The following PHF3 variants were observed in gnomAD, a reference collection of about 807,000 sequenced individuals.
PHF3 encodes PHD finger protein 3.
In PHF3, 41 loss-of-function variants were observed where a neutral mutation model predicts 178.4. The ratio of observed to expected loss-of-function variants is 0.23; its 90% CI spans 0.18 to 0.30. The LOEUF (loss-of-function observed/expected upper bound fraction) is 0.30. Ranked by LOEUF, PHF3 falls within the 10% of genes least tolerant of loss-of-function variation. The pLI, the probability that PHF3 is intolerant of heterozygous loss-of-function variation, is 1.00. For synonymous variants in PHF3, 842 were observed against 800.5 expected (o/e 1.05, Z -0.88); for missense variants, 2,346 against 2,398.1 (o/e 0.98, Z 0.45).
Position 63,706,243 on chromosome 6 carries a change from A to ATACTC in PHF3, c.3563+19_3563+20insTACTC. The ATACTC allele has an allele frequency of 3.8e-6, 6 of 1,574,498 alleles. No individual in the cohort carries two copies. The highest frequency in any genetic ancestry group is 5.2e-6 in the Non-Finnish European group (6 of 1,151,766). On this transcript the variant is annotated intron_variant, in intron 12 of 15. Coordinates refer to ENST00000262043, the MANE Select transcript of PHF3 (RefSeq NM_001370348.2). ...CTCCACGGTAATTTTCTCTGTTGTA[A>ATACTC]ATTCTGTAATACTCATTATAGATCT...
In PHF3 at chr6:63,640,969, A is replaced by C. The variant is rs1581986145; in HGVS notation, c.-26+4819A>C. Among the ~76,000 whole-genome samples the C allele has an allele frequency of 2.0e-5, 3 of 152,222 alleles. No homozygotes were observed. The East Asian group carries it at 5.8e-4, about 29-fold the overall frequency. On this transcript the variant is annotated intron_variant, in intron 1 of 15. Coordinates refer to ENST00000262043, the MANE Select transcript of PHF3 (RefSeq NM_001370348.2). ...TCTAGACATGGCAAATGTTCTCTGCATGGGCATACTCACCTCTGATTGAGA... is the reference window on the plus strand; with the variant it reads ...TCTAGACATGGCAAATGTTCTCTGCCTGGGCATACTCACCTCTGATTGAGA...
At chr6:63,711,522 A>C in intron 15 of PHF3, 64 bp from the exon 16 acceptor site, 1 of 1,464,748 alleles carries the variant, frequency 6.8e-7, no homozygotes, top group African/African-American at 1.4e-5. Flanking sequence ...TTAGAGGCAG[A>C]ATTTTACCTT....
intron 2 of PHF3, among the ~76,000 whole-genome samples, chr6:63,657,469 G>A (rs1399635360): frequency 2.6e-5 from 4 of 152,118 alleles, no homozygotes; most frequent in Admixed American, 2.0e-4. Context: ...TATATGTTAC[G>A]TGTATTATCT....
rs1766611060 is a variant in PHF3, at chr6:63,684,908, A to G, written c.1186A>G (p.Ile396Val). The change falls in exon 4 of 16, where the codon ATT (isoleucine) becomes GTT (valine). Residue 396 changes from isoleucine (I) to valine (V), a missense_variant. By Grantham distance (29) the Ile-to-Val change is conservative. This residue lies in a region of PHF3 where 843 missense variants were observed against 795.2 expected (regional missense o/e 1.06). Transcript: ENST00000262043. ...TGAGAACACCCTTGAAAGAAATAAA[A>G]TTGAACCGTTGGGTTATTGTGAAGA... ...KTENTLERNK[I>V]EPLGYCEDAE... The G allele has an allele frequency of 6.2e-7, 1 of 1,613,962 alleles. No homozygotes were observed. The highest frequency in any genetic ancestry group is 1.7e-5 in the Admixed American group (1 of 60,006).
chr6:63,684,367 G>A lies in PHF3; in HGVS notation c.645G>A (p.Val215=). 1 of 1,613,650 alleles carries A rather than the reference G, an allele frequency of 6.2e-7. No individual in the cohort carries two copies. Among genetic ancestry groups the A allele is most frequent in the Non-Finnish European group, 8.5e-7 (1 of 1,179,584 alleles). ...TTGAAGTGGTACCTGAAGTATCAGTGTCTTCAAGTCATTCTTCAGTGTCAT... is the reference window on the plus strand; with the variant it reads ...TTGAAGTGGTACCTGAAGTATCAGTATCTTCAAGTCATTCTTCAGTGTCAT... ...GQIEVVPEVS[V]SSSHSSVSSC... The change falls in exon 4 of 16, where the codon GTG becomes GTA. Residue 215 remains valine, a synonymous_variant. Transcript: ENST00000262043.
rs755645412 is a variant in PHF3, at chr6:63,685,073, T to A, written c.1351T>A (p.Leu451Met). The part of the protein sequence containing the change: ...CDVPDQNSKQ[L>M]NAIESTKIES... The stretch of plus-strand genomic sequence containing the variant: ...TGTGCCTGACCAAAATTCAAAACAG[T>A]TGAATGCTATAGAAAGTACTAAAAT... The change falls in exon 4 of 16, where the codon TTG becomes ATG. Residue 451 changes from leucine (L) to methionine (M), a missense_variant. This residue lies in a region of PHF3 where 843 missense variants were observed against 795.2 expected (regional missense o/e 1.06). Transcript: ENST00000262043. 1 of 1,614,016 alleles carries A rather than the reference T, an allele frequency of 6.2e-7. No individual in the cohort carries two copies. Among genetic ancestry groups the A allele is most frequent in the Non-Finnish European group, 8.5e-7 (1 of 1,179,968 alleles).
intron 1 of PHF3, among the ~76,000 whole-genome samples, chr6:63,638,398 A>G (rs746637935): frequency 1.3e-5 from 2 of 152,120 alleles, no homozygotes; most frequent in Non-Finnish European, 2.9e-5. Context: ...GATGATGTTT[A>G]TCTTCCTTAA....
At chr6:63,658,852 G>C (rs1432346550) in intron 2 of PHF3, among the ~76,000 whole-genome samples, 1 of 151,924 alleles carries the variant, frequency 6.6e-6, no homozygotes, top group Non-Finnish European at 1.5e-5. Context: ...AAAATCTGCA[G>C]GGTAGGCTGG....
chr6:63,698,392 G>GTA (rs1767326713), intron 7 of PHF3, 25 bp downstream of exon 7: 3 of 1,580,678 alleles, frequency 1.9e-6, no homozygotes, highest in Non-Finnish European at 1.7e-6. Context: ...TATTATAGAA[G>GTA]TATCAATAAT....
chr6:63,690,910 CTT>C lies in PHF3; in HGVS notation c.2190-824_2190-823del, dbSNP rs371791529. ...GAGTCATACGTTTCACATCCCTGGA[CTT>C]TTCCTATTGGTTAGTGAAGTTATTA... On this transcript the variant is annotated intron_variant, in intron 4 of 15. Transcript: ENST00000262043. Among the ~76,000 whole-genome samples the C allele has an allele frequency of 8.7e-3, 1,329 of 152,238 alleles. 11 individuals carry two copies. Among genetic ancestry groups the C allele is most frequent in the Middle Eastern group, 0.02 (6 of 294 alleles).
chr6:63,645,801 C>T (rs1764759196), intron 1 of PHF3, among the ~76,000 whole-genome samples: 1 of 152,136 alleles, frequency 6.6e-6, no homozygotes, highest in Non-Finnish European at 1.5e-5. Flanking sequence ...GTATAGACCA[C>T]ACATAACTAA....
Position 63,712,239 on chromosome 6 carries a change from T to C in PHF3, c.4651T>C (p.Ser1551Pro). 1 of 1,614,062 alleles carries C rather than the reference T, an allele frequency of 6.2e-7. No individual in the cohort carries two copies. The highest frequency in any genetic ancestry group is 8.5e-7 in the Non-Finnish European group (1 of 1,179,960). ...ETSVVGSSSI[S>P]AGSLTSLSLR... ...ATCAGTAGTAGGGTCCTCTTCCATT[T>C]CTGCAGGGTCTTTGACGAGTCTTAG... Residue 1551 changes from serine to proline, a missense_variant, in exon 16 of 16, where the codon TCT becomes CCT. Transcript: ENST00000262043.
chr6:63,645,036 A>C (rs1764726493), intron 1 of PHF3, among the ~76,000 whole-genome samples: 1 of 150,042 alleles, frequency 6.7e-6, no homozygotes, highest in African/African-American at 2.4e-5. Flanking sequence ...ACACGTCACC[A>C]CACCTGGCTA....
chr6:63,688,577 C>A (rs544733591), intron 4 of PHF3, among the ~76,000 whole-genome samples: 1 of 151,498 alleles, frequency 6.6e-6, no homozygotes, highest in East Asian at 2.0e-4. Flanking sequence ...TCAGGTGATC[C>A]GCCCGCCTCA....
At chr6:63,686,145 A>G (rs919238359) in intron 4 of PHF3, 5 of 482,586 alleles carry the variant, frequency 1.0e-5, no homozygotes, top group African/African-American at 2.0e-5. Context: ...GCTGACATAC[A>G]TGGAAATATT....
chr6:63,658,312 C>T (rs1341076668), intron 2 of PHF3, among the ~76,000 whole-genome samples: 4 of 152,106 alleles, frequency 2.6e-5, no homozygotes, highest in Admixed American at 1.3e-4. Context: ...TCTTCATCTC[C>T]TAGAATTGTA....
chr6:63,664,350 A>T (rs1765591068), intron 2 of PHF3, among the ~76,000 whole-genome samples: 1 of 152,226 alleles, frequency 6.6e-6, no homozygotes, highest in South Asian at 2.1e-4. Flanking sequence ...ATTTGCTCGT[A>T]TCAGAAATTT....
chr6:63,705,031 G>A (rs901256829), intron 11 of PHF3, among the ~76,000 whole-genome samples: 5 of 152,116 alleles, frequency 3.3e-5, no homozygotes, highest in Admixed American at 6.5e-5. Flanking sequence ...TGACATATGT[G>A]GAGCATCTTT....
At chr6:63,648,172 G>A (rs559243932) in intron 2 of PHF3, among the ~76,000 whole-genome samples, 6 of 152,106 alleles carry the variant, frequency 3.9e-5, no homozygotes, top group African/African-American at 1.4e-4. Context: ...ATATTATGTT[G>A]TGTTATTACT....
Sources: allele counts gnomAD v4.1 joint callset (sites outside exome capture counted in the v4.1 genomes callset), GRCh38; gene constraint gnomAD v4.1.1; regional missense constraint gnomAD v4.1.1; transcripts MANE v1.5; gene names NCBI Gene and HGNC (gene_info 2026-07-23, HGNC 2026-07-21).